Variants in AHNAK2 observed in about 807,000 individuals in gnomAD.
AHNAK2 encodes AHNAK nucleoprotein 2.
In AHNAK2, 18 loss-of-function variants were observed where a neutral mutation model predicts 30.7. The observed-to-expected ratio is 0.59, with a 90% CI of 0.41 to 0.87. The LOEUF is 0.87. AHNAK2 is among the 40% of genes least tolerant of loss of function. The pLI is 0.00. For synonymous variants in AHNAK2, 3,590 were observed against 3,073.8 expected (o/e 1.17, Z -5.56); for missense variants, 8,604 against 7,373.0 (o/e 1.17, Z -6.11).
chr14:104,947,827 C>G lies in AHNAK2; in HGVS notation c.7624G>C (p.Val2542Leu), dbSNP rs372595629. Residue 2542 changes from valine (V) to leucine (L), a missense_variant, in exon 7 of 7, where the codon GTC (valine) becomes CTC (leucine). Transcript: ENST00000333244. The part of the protein sequence containing the change: ...SIQPPSADLE[V>L]QAGQVDVKLP... ...TTCACGTCCACTTGGCCAGCCTGGACCTCCAGGTCAGCGGAAGGGGGCTGA... is the reference window on the plus strand; with the variant it reads ...TTCACGTCCACTTGGCCAGCCTGGAGCTCCAGGTCAGCGGAAGGGGGCTGA... 23 of 1,612,716 alleles carry G rather than the reference C, an allele frequency of 1.4e-5. 1 individual carries two copies. In the African/African-American group the frequency reaches 2.3e-4, roughly 16 times the overall value.
rs1566909583 is a variant in AHNAK2 at position 104,948,381 on chromosome 14, A to G, written c.7070T>C (p.Met2357Thr). 1.2e-6 allele frequency: 2 copies of G among 1,612,284 alleles called. No individual in the cohort carries two copies. Among genetic ancestry groups the G allele is most frequent in the African/African-American group, 1.3e-5 (1 of 74,336 alleles). ...KVEADVSLPS[M>T]QGDLKTTDLS... Reference sequence around the variant, plus strand: ...GTCAGTGGTCTTGAGGTCCCCCTGCATGGAGGGGAGGCTCACGTCGGCCTC... The same window carrying G: ...GTCAGTGGTCTTGAGGTCCCCCTGCGTGGAGGGGAGGCTCACGTCGGCCTC... Residue 2357 changes from methionine to threonine, a missense_variant, in exon 7 of 7, where the codon ATG (methionine) becomes ACG (threonine). By Grantham distance (81) the Met-to-Thr change is moderately conservative (BLOSUM62 -1). Coordinates refer to ENST00000333244, the MANE Select transcript of AHNAK2 (RefSeq NM_138420.4).
At position 104,948,147 on chromosome 14, in the gene AHNAK2, G is replaced by C. The variant is rs200734600; in HGVS notation, c.7304C>G (p.Thr2435Arg). 2 of 1,610,776 alleles carry C rather than the reference G, an allele frequency of 1.2e-6. No homozygotes were observed. The highest frequency in any genetic ancestry group is 2.7e-5 in the African/African-American group (2 of 73,438). The change falls in exon 7 of 7, where the codon ACG becomes AGG. Residue 2435 changes from threonine (T) to arginine (R), a missense_variant. Coordinates refer to ENST00000333244, the MANE Select transcript of AHNAK2 (RefSeq NM_138420.4). ...GPKLDLKGPKTDVMAPDVEVS... is the reference protein window; with the variant it reads ...GPKLDLKGPKRDVMAPDVEVS... ...CTCCACGTCGGGGGCCATCACGTCCGTCTTGGGGCCTTTCAGGTCCAGCTT... is the reference window on the plus strand; with the variant it reads ...CTCCACGTCGGGGGCCATCACGTCCCTCTTGGGGCCTTTCAGGTCCAGCTT...
chr14:104,943,017 A>C lies in AHNAK2; in HGVS notation c.12434T>G (p.Val4145Gly), dbSNP rs760210206. Residue 4145 changes from valine (V) to glycine (G), a missense_variant, in exon 7 of 7, where the codon GTG (valine) becomes GGG (glycine). Val to Gly is a moderately radical substitution (Grantham distance 109). Transcript: ENST00000333244. ...MPKFKMPSFG[V>G]SAPGKSMEAS... Reference sequence around the variant, plus strand: ...CTCCATGGACTTGCCTGGGGCCGACACCCCGAATGATGGCATCTTGAACTT... The same window carrying C: ...CTCCATGGACTTGCCTGGGGCCGACCCCCCGAATGATGGCATCTTGAACTT... The C allele has an allele frequency of 1.9e-5, 31 of 1,612,738 alleles. No homozygotes were observed. Among genetic ancestry groups the C allele is most frequent in the Non-Finnish European group, 2.2e-5 (26 of 1,179,450 alleles).
In AHNAK2 at chr14:104,946,295, G is replaced by A. The variant is rs754270776; in HGVS notation, c.9156C>T (p.Pro3052=). The A allele has an allele frequency of 3.6e-5, 58 of 1,611,696 alleles. No homozygotes were observed. In the Middle Eastern group the frequency reaches 1.2e-3, roughly 32 times the overall value. The change falls in exon 7 of 7, where the codon CCC becomes CCT. Residue 3052 remains proline (P), a synonymous_variant. Coordinates refer to ENST00000333244, the MANE Select transcript of AHNAK2 (RefSeq NM_138420.4). ...GGTGCCCTTTGAGGCCAGCTCCCTC[G>A]GGAACGTGGCCCTCTGGGAGCTTCA... is the stretch of plus-strand genomic sequence containing the variant. ...VDLKLPEGHV[P]EGAGLKGHLP...
In AHNAK2 at chr14:104,946,070, C is replaced by T. The variant is rs374653111; in HGVS notation, c.9381G>A (p.Gly3127=). 5 of 1,605,768 alleles carry T rather than the reference C, an allele frequency of 3.1e-6. No homozygotes were observed. The highest frequency in any genetic ancestry group is 1.7e-5 in the Admixed American group (1 of 59,114). The change falls in exon 7 of 7, where the codon GGG becomes GGA. Residue 3127 remains glycine, a synonymous_variant. Transcript: ENST00000333244. ...GAKLDGARLE[G]DLSLADKDVT... ...CATCCTTGTCGGCCAGGGACAGGTCCCCCTCCAGCCGTGCACCATCCAACT... is the reference window on the plus strand; with the variant it reads ...CATCCTTGTCGGCCAGGGACAGGTCTCCCTCCAGCCGTGCACCATCCAACT...
In AHNAK2 at chr14:104,947,860, G is replaced by A. The variant is rs765115796; in HGVS notation, c.7591C>T (p.Leu2531Phe). The change falls in exon 7 of 7, where the codon CTC becomes TTC. Residue 2531 changes from leucine to phenylalanine, a missense_variant. By Grantham distance (22) the Leu-to-Phe change is conservative (BLOSUM62 0). Transcript: ENST00000333244. ...TCAGCGGAAGGGGGCTGAATGCTGAGGTCAGTGGCCTTGAGGTCCCCCTGC... is the reference window on the plus strand; with the variant it reads ...TCAGCGGAAGGGGGCTGAATGCTGAAGTCAGTGGCCTTGAGGTCCCCCTGC... ...SMQGDLKATD[L>F]SIQPPSADLE... is the part of the protein sequence containing the mutation. The A allele has an allele frequency of 6.2e-7, 1 of 1,611,568 alleles. No individual in the cohort carries two copies. The highest frequency in any genetic ancestry group is 1.3e-5 in the African/African-American group (1 of 74,182).
rs757511004 is a variant in AHNAK2 at position 104,945,491 on chromosome 14, C to A, written c.9960G>T (p.Ala3320=). The A allele has an allele frequency of 1.2e-6, 2 of 1,613,294 alleles. No homozygotes were observed. The highest frequency in any genetic ancestry group is 1.3e-5 in the African/African-American group (1 of 74,858). Residue 3320 remains alanine (A), a synonymous_variant, in exon 7 of 7, where the codon GCG becomes GCT. Coordinates refer to ENST00000333244, the MANE Select transcript of AHNAK2 (RefSeq NM_138420.4). ...CCTGGATGGACTTGCCTGGGGCAGA[C>A]GCCCTGTACGACGGCATCTTGAATT... ...MPKFKMPSYR[A]SAPGKSIQAS...
intron 1 of AHNAK2, 70 bp downstream of exon 1, chr14:104,978,113 C>T (rs1244578120): frequency 1.7e-6 from 2 of 1,172,904 alleles, no homozygotes; most frequent in African/African-American, 1.6e-5. Context: ...CCTGGACACG[C>T]CCCGGCGCGC....
Position 104,948,255 on chromosome 14 carries a change from C to T in AHNAK2, c.7196G>A (p.Gly2399Glu), listed in dbSNP as rs769236778. The T allele has an allele frequency of 1.6e-5, 26 of 1,612,158 alleles. No individual in the cohort carries two copies. The Admixed American group carries it at 1.8e-4, about 11-fold the overall frequency. The stretch of plus-strand genomic sequence containing the variant: ...GGGCATCTGCAGCTTGGGCAGGTGC[C>T]CTTTGAGGCCGGCTCCCTCCGGCAC... ...GPVPEGAGLK[G>E]HLPKLQMPSF... Residue 2399 changes from glycine (G) to glutamate (E), a missense_variant, in exon 7 of 7, where the codon GGG becomes GAG. Coordinates refer to ENST00000333244, the MANE Select transcript of AHNAK2 (RefSeq NM_138420.4).
At chr14:104,963,648 G>A (rs1019278966) in intron 1 of AHNAK2, among the ~76,000 whole-genome samples, 3 of 152,038 alleles carry the variant, frequency 2.0e-5, no homozygotes, top group Non-Finnish European at 4.4e-5. Context: ...GGCTAACACG[G>A]TGAAACCCTG....
Position 104,953,815 on chromosome 14 carries a change from G to GTT in AHNAK2, c.1635_1636insAA (p.His546AsnfsTer36), listed in dbSNP as rs770184896. 1.2e-6 allele frequency: 2 copies of GTT among 1,613,786 alleles called. No homozygotes were observed. The highest frequency in any genetic ancestry group is 2.2e-5 in the South Asian group (2 of 91,078). ...CCTTCATCCCCCTGTGCTTCTGCAT[G>GTT]TGTGGTTGGTTCCCTGCCCGGCATC... On this transcript the variant is annotated frameshift_variant, in exon 7 of 7. Transcript: ENST00000333244. LOFTEE classifies it low-confidence loss of function (END_TRUNC).
rs377434625 is a variant in AHNAK2 at position 104,950,059 on chromosome 14, C to G, written c.5392G>C (p.Ala1798Pro). The G allele has an allele frequency of 6.3e-7, 1 of 1,586,950 alleles. No individual in the cohort carries two copies. The highest frequency in any genetic ancestry group is 8.6e-7 in the Non-Finnish European group (1 of 1,163,134). Residue 1798 changes from alanine (A) to proline (P), a missense_variant, in exon 7 of 7, where the codon GCC (alanine) becomes CCC (proline). Transcript: ENST00000333244. ...TCCAGCCGCACACTGTCCAGCTTGG[C>G]TCCTGGAGCCTCGACGTCCACCTCC... ...SVEVDVEAPG[A>P]KLDSVRLEGD... is the part of the protein sequence containing the mutation.
rs540735181 is a variant in AHNAK2 at position 104,957,711 on chromosome 14, G to C, written c.56-39C>G. 1.8e-5 allele frequency: 28 copies of C among 1,593,120 alleles called. No homozygotes were observed. In the Admixed American group the frequency reaches 3.3e-4, roughly 19 times the overall value. On this transcript the variant is annotated intron_variant, in intron 1 of 6. Coordinates refer to ENST00000333244, the MANE Select transcript of AHNAK2 (RefSeq NM_138420.4). ...GGCTGTCAGTGGAGACAAGCAGGCTGGGGGAGCAGATCGGGGCCCGGGGGA... is the reference window on the plus strand; with the variant it reads ...GGCTGTCAGTGGAGACAAGCAGGCTCGGGGAGCAGATCGGGGCCCGGGGGA...
rs1301986880 is a variant in AHNAK2 at position 104,949,397 on chromosome 14, C to T, written c.6054G>A (p.Val2018=). ...TGGAGGGGAGACTCACGTCGGCCTCCACCTTGGGTGCAGGCACATCCACCG... is the reference window on the plus strand; with the variant it reads ...TGGAGGGGAGACTCACGTCGGCCTCTACCTTGGGTGCAGGCACATCCACCG... ...EASVDVPAPK[V]EADVSLPSMQ... is the part of the protein sequence containing the mutation. The change falls in exon 7 of 7, where the codon GTG becomes GTA. Residue 2018 remains valine, a synonymous_variant. Transcript: ENST00000333244. 1.3e-6 allele frequency: 2 copies of T among 1,583,044 alleles called. No homozygotes were observed. The highest frequency in any genetic ancestry group is 1.7e-6 in the Non-Finnish European group (2 of 1,159,700).
chr14:104,948,085 G>C lies in AHNAK2; in HGVS notation c.7366C>G (p.Pro2456Ala). The C allele has an allele frequency of 6.2e-7, 1 of 1,612,842 alleles. No individual in the cohort carries two copies. Reference protein sequence around the residue: ...QPSVEVDVEAPGAKLDGAWLE... With the variant: ...QPSVEVDVEAAGAKLDGAWLE... ...CACGCACCATCCAGCTTGGCTCCCG[G>C]GGCCTCGACATCCACCTCCACGCTG... Residue 2456 changes from proline (P) to alanine (A), a missense_variant, in exon 7 of 7, where the codon CCG (proline) becomes GCG (alanine). Physicochemically the swap from Pro to Ala is conservative, Grantham distance 27 (BLOSUM62 -1). Transcript: ENST00000333244.
In AHNAK2 at chr14:104,942,391, C is replaced by G. The variant is rs779537341; in HGVS notation, c.13060G>C (p.Asp4354His). Reference protein sequence around the residue: ...THLSIQPPSADLEVQAGQEDV... With the variant: ...THLSIQPPSAHLEVQAGQEDV... The stretch of plus-strand genomic sequence containing the variant: ...TCTTGGCCAGCCTGGACCTCCAGAT[C>G]AGCGGAAGGGGGCTGAATGCTGAGG... Residue 4354 changes from aspartate (D) to histidine (H), a missense_variant, in exon 7 of 7, where the codon GAT becomes CAT. Coordinates refer to ENST00000333244, the MANE Select transcript of AHNAK2 (RefSeq NM_138420.4). 6.2e-7 allele frequency: 1 copy of G among 1,613,162 alleles called. No individual in the cohort carries two copies. The highest frequency in any genetic ancestry group is 1.3e-5 in the African/African-American group (1 of 74,852).
Position 104,939,082 on chromosome 14 carries a change from C to A in AHNAK2, c.16369G>T (p.Ala5457Ser). Residue 5457 changes from alanine (A) to serine (S), a missense_variant, in exon 7 of 7, where the codon GCT becomes TCT. Coordinates refer to ENST00000333244, the MANE Select transcript of AHNAK2 (RefSeq NM_138420.4). ...QPVDLNLPLEAPPISKVRVHI... is the reference protein window; with the variant it reads ...QPVDLNLPLESPPISKVRVHI... ...ACTCTGACCTTTGAAATTGGGGGAG[C>A]TTCCAAAGGCAGGTTAAGGTCCACA... The A allele has an allele frequency of 6.2e-7, 1 of 1,603,590 alleles. No individual in the cohort carries two copies. Among genetic ancestry groups the A allele is most frequent in the African/African-American group, 1.3e-5 (1 of 74,826 alleles).
chr14:104,943,150 C>A lies in AHNAK2; in HGVS notation c.12301G>T (p.Val4101Leu). 1 of 1,613,468 alleles carries A rather than the reference C, an allele frequency of 6.2e-7. No individual in the cohort carries two copies. Among genetic ancestry groups the A allele is most frequent in the Non-Finnish European group, 8.5e-7 (1 of 1,179,668 alleles). The change falls in exon 7 of 7, where the codon GTG (valine) becomes TTG (leucine). Residue 4101 changes from valine (V) to leucine (L), a missense_variant. Physicochemically the swap from Val to Leu is conservative, Grantham distance 32. Transcript: ENST00000333244. ...DVKMSLSSME[V>L]DVQAPRAKLD... Reference sequence around the variant, plus strand: ...TTTGCTCTCGGGGCCTGGACGTCCACCTCCATGCTGGACAGAGACATCTTC... The same window carrying A: ...TTTGCTCTCGGGGCCTGGACGTCCAACTCCATGCTGGACAGAGACATCTTC...
In AHNAK2 at chr14:104,944,389, T is replaced by A. The variant is rs779623842; in HGVS notation, c.11062A>T (p.Ile3688Phe). The change falls in exon 7 of 7, where the codon ATT (isoleucine) becomes TTT (phenylalanine). Residue 3688 changes from isoleucine (I) to phenylalanine (F), a missense_variant. Transcript: ENST00000333244. ...QGDLKTTDLS[I>F]QPPSADLKVQ... Reference sequence around the variant, plus strand: ...TTCAGGTCGGCAGAAGGGGGCTGAATGCTGAGGTCAGTGGTCTTCAGGTCC... The same window carrying A: ...TTCAGGTCGGCAGAAGGGGGCTGAAAGCTGAGGTCAGTGGTCTTCAGGTCC... The A allele has an allele frequency of 1.2e-6, 2 of 1,612,526 alleles. No homozygotes were observed. The highest frequency in any genetic ancestry group is 1.3e-5 in the African/African-American group (1 of 74,684).
Sources: gnomAD v4.1 joint callset for allele counts (sites outside exome capture counted in the v4.1 genomes callset) on GRCh38, gnomAD v4.1.1 for gene constraint, MANE v1.5 for transcripts, NCBI Gene and HGNC (gene_info 2026-07-23, HGNC 2026-07-21) for gene names.